DIS3L2: variants seen among roughly 807,000 people sequenced by gnomAD.
The protein encoded by DIS3L2 is DIS3 like 3'-5' exoribonuclease 2.
In DIS3L2, 34 loss-of-function variants were observed where a neutral mutation model predicts 97.5. That is an observed-to-expected ratio of 0.35 (90% CI 0.27 to 0.46). DIS3L2 has a LOEUF of 0.46. DIS3L2 is among the 20% of genes least tolerant of loss of function. DIS3L2 has a pLI of 1.00. For missense variants in DIS3L2, 1,038 were observed against 1,146.0 expected (o/e 0.91, Z 1.36); for synonymous variants, 435 against 445.2 (o/e 0.98, Z 0.29).
In DIS3L2 at chr2:232,333,663, G is replaced by A. The variant is rs3748967; in HGVS notation, c.2011-177G>A. On this transcript the variant is annotated intron_variant, in intron 16 of 20. Coordinates refer to ENST00000325385, the MANE Select transcript of DIS3L2 (RefSeq NM_152383.5). ...CCCAGCCTCCTGGCCTCCCCCTGGGGCCCCTTGTGCAGCAAGGGCCCTGGC... is the reference window on the plus strand; with the variant it reads ...CCCAGCCTCCTGGCCTCCCCCTGGGACCCCTTGTGCAGCAAGGGCCCTGGC... 0.068 allele frequency among the ~76,000 whole-genome samples: 10,334 copies of A among 152,244 alleles called. 931 individuals are homozygous for A. Among genetic ancestry groups the A allele is most frequent in the East Asian group, 0.44 (2,274 of 5,138 alleles).
At chr2:232,190,830 G>A (rs1443445234) in intron 9 of DIS3L2, among the ~76,000 whole-genome samples, 1 of 152,126 alleles carries the variant, frequency 6.6e-6, no homozygotes, top group African/African-American at 2.4e-5. Flanking sequence ...AAGGGTGGAA[G>A]GAAATTTCTT....
At position 232,336,966 on chromosome 2, in the gene DIS3L2, T is replaced by C. The variant is rs1478209967; in HGVS notation, c.*336T>C. The C allele has an allele frequency of 3.5e-6, 4 of 1,157,062 alleles. No homozygotes were observed. The highest frequency in any genetic ancestry group is 7.0e-5 in the East Asian group (1 of 14,374). The allele number at this position is 1,157,062 out of a possible 1,614,324, so 71.7% of individuals were successfully genotyped here. On this transcript the variant is annotated 3_prime_UTR_variant, in exon 21 of 21. Transcript: ENST00000325385. ...CTCAGTGTCACAGAATAAAATCAAG[T>C]GTGGAGTGCCATCTGGTGTGTAGGG...
chr2:232,049,159 T>G (rs2106261460), intron 5 of DIS3L2, among the ~76,000 whole-genome samples: 1 of 152,310 alleles, frequency 6.6e-6, no homozygotes, highest in Middle Eastern at 3.4e-3. Flanking sequence ...CTTCCCTATG[T>G]TATAGGACAT....
At chr2:232,339,957 G>A (rs1696068620), downstream of DIS3L2, among the ~76,000 whole-genome samples, 1 of 152,148 alleles carries the variant, frequency 6.6e-6, no homozygotes, top group Admixed American at 6.5e-5. Context: ...GCCTGGCTAG[G>A]TATGGAGAGA....
At chr2:232,203,485 T>A (rs1691950243) in intron 9 of DIS3L2, among the ~76,000 whole-genome samples, 3 of 152,326 alleles carry the variant, frequency 2.0e-5, no homozygotes, top group Middle Eastern at 3.4e-3. Context: ...CCTAAATGTA[T>A]TTCCCAAGAC....
intron 8 of DIS3L2, among the ~76,000 whole-genome samples, chr2:232,137,591 A>C (rs1023983889): frequency 1.3e-5 from 2 of 152,236 alleles, no homozygotes; most frequent in African/African-American, 4.8e-5. Flanking sequence ...TAGGAGAGTC[A>C]GCACTGAATG....
chr2:232,173,428 T>C (rs568649362), intron 9 of DIS3L2, among the ~76,000 whole-genome samples: 81 of 152,176 alleles, frequency 5.3e-4, no homozygotes, highest in Non-Finnish European at 1.6e-4. Context: ...GATGGGGTTT[T>C]GCTATGCTGG....
intron 1 of DIS3L2, among the ~76,000 whole-genome samples, chr2:231,980,522 C>A (rs1443863712): frequency 6.6e-6 from 1 of 152,010 alleles, no homozygotes; most frequent in African/African-American, 2.4e-5. Context: ...TATGGTGAAA[C>A]CCCATCTCTA....
At chr2:232,036,975 G>T (rs932208823) in intron 5 of DIS3L2, among the ~76,000 whole-genome samples, 2 of 152,204 alleles carry the variant, frequency 1.3e-5, no homozygotes, top group South Asian at 2.1e-4. Context: ...GCTGGGAGGC[G>T]TCTCCCTGTC....
At chr2:232,236,594 A>G (rs1872920) in intron 10 of DIS3L2, among the ~76,000 whole-genome samples, 35,583 of 152,010 alleles carry the variant, frequency 0.23, 4,952 homozygotes, top group South Asian at 0.48. Flanking sequence ...CTTAGTGCCT[A>G]GGATCCCAGG....
rs192959034 is a variant in DIS3L2 at position 231,968,348 on chromosome 2, G to A, written c.-94+6583G>A. ...CCTGACCTCGTGATCCGCCCGCCTC[G>A]GTCTCCCAAGTGCTGGGATTACAGG... On this transcript the variant is annotated intron_variant, in intron 1 of 20. Coordinates refer to ENST00000325385, the MANE Select transcript of DIS3L2 (RefSeq NM_152383.5). Among the ~76,000 whole-genome samples, 8 of 152,254 alleles carry A rather than the reference G, an allele frequency of 5.3e-5. No individual in the cohort carries two copies. In the East Asian group the frequency reaches 7.7e-4, roughly 15 times the overall value.
At chr2:232,330,600 C>G in intron 15 of DIS3L2, 90 bp from the exon 16 acceptor site, 1 of 1,368,390 alleles carries the variant, frequency 7.3e-7, no homozygotes, top group Non-Finnish European at 1.0e-6. Context: ...CCCCCAGAGC[C>G]GGGCATGAGG....
chr2:232,259,657 C>A (rs960186401), intron 12 of DIS3L2, among the ~76,000 whole-genome samples: 5 of 152,124 alleles, frequency 3.3e-5, no homozygotes, highest in African/African-American at 1.2e-4. Flanking sequence ...CTCACTGTGT[C>A]GCCCAAGCTG....
chr2:232,111,706 A>G (rs75692994), intron 6 of DIS3L2, among the ~76,000 whole-genome samples: 3,745 of 152,280 alleles, frequency 0.025, 155 homozygotes, highest in African/African-American at 0.085. Flanking sequence ...ATGTCATAAC[A>G]TGAGACCATT....
At chr2:232,158,195 C>T (rs1690550744) in intron 8 of DIS3L2, among the ~76,000 whole-genome samples, 1 of 152,130 alleles carries the variant, frequency 6.6e-6, no homozygotes. Flanking sequence ...CAGAGACCAT[C>T]CCTTACAATG....
intron 13 of DIS3L2, among the ~76,000 whole-genome samples, chr2:232,289,326 G>T (rs1039498689): frequency 6.6e-6 from 1 of 150,994 alleles, no homozygotes; most frequent in African/African-American, 2.4e-5. Flanking sequence ...GTCTGAGATC[G>T]CAGTGGCACC....
chr2:232,015,054 GCTGT>G, intron 2 of DIS3L2, 75 bp downstream of exon 2: 1 of 1,509,254 alleles, frequency 6.6e-7, no homozygotes, highest in Admixed American at 1.7e-5. Flanking sequence ...TGAAGTGGAG[GCTGT>G]CTTTTAGGAC....
intron 14 of DIS3L2, among the ~76,000 whole-genome samples, chr2:232,304,994 T>C (rs1694951576): frequency 6.6e-6 from 1 of 152,228 alleles, no homozygotes; most frequent in South Asian, 2.1e-4. Context: ...TCCTCAAAAG[T>C]GTCTGTCACT....
At chr2:232,240,152 G>A (rs1253085289) in intron 11 of DIS3L2, among the ~76,000 whole-genome samples, 3 of 152,174 alleles carry the variant, frequency 2.0e-5, no homozygotes, top group Non-Finnish European at 4.4e-5. Context: ...AATATGTGGA[G>A]GCCCTACCTA....
Sources: allele counts gnomAD v4.1 joint callset (sites outside exome capture counted in the v4.1 genomes callset), GRCh38; gene constraint gnomAD v4.1.1; transcripts MANE v1.5; gene names NCBI Gene and HGNC (gene_info 2026-07-23, HGNC 2026-07-21).